The following TAFA4 variants were observed in gnomAD, a reference collection of about 807,000 sequenced individuals.
The protein encoded by TAFA4 is TAFA chemokine like family member 4.
A neutral mutation model predicts 21.1 loss-of-function variants in TAFA4; 20 were observed. That is an observed-to-expected ratio of 0.95 (90% CI 0.67 to 1.38). The LOEUF (loss-of-function observed/expected upper bound fraction) is 1.38. TAFA4 is among the 40% of genes most tolerant of loss of function. The pLI is 0.00. For synonymous variants in TAFA4, 71 were observed against 67.4 expected (o/e 1.05, Z -0.26); for missense variants, 211 against 180.9 (o/e 1.17, Z -0.95).
chr3:68,931,645 C>T (rs546321035), intron 1 of TAFA4, among the ~76,000 whole-genome samples: 3 of 152,280 alleles, frequency 2.0e-5, no homozygotes, highest in East Asian at 3.9e-4. Context: ...CGGAAAGAGA[C>T]GCAACTTCCA....
At chr3:68,860,099 T>G (rs1160292914) in intron 3 of TAFA4, among the ~76,000 whole-genome samples, 1 of 152,108 alleles carries the variant, frequency 6.6e-6, no homozygotes, top group Non-Finnish European at 1.5e-5. Context: ...AAATTACAAT[T>G]TGACAGAGTC....
intron 3 of TAFA4, among the ~76,000 whole-genome samples, chr3:68,836,788 C>T (rs1445694320): frequency 6.7e-6 from 1 of 150,274 alleles, no homozygotes; most frequent in African/African-American, 2.5e-5. Flanking sequence ...GTCCAGGGGT[C>T]AGGGTTCAAG....
At chr3:68,754,345 C>T (rs1041631852) in intron 3 of TAFA4, among the ~76,000 whole-genome samples, 1 of 152,216 alleles carries the variant, frequency 6.6e-6, no homozygotes, top group Admixed American at 6.5e-5. Flanking sequence ...TTTCATTAGC[C>T]TCCTTTATTC....
At chr3:68,931,937 C>CT (rs1559567623) in intron 1 of TAFA4, among the ~76,000 whole-genome samples, 2 of 152,192 alleles carry the variant, frequency 1.3e-5, no homozygotes. Flanking sequence ...TCCGCATCAG[C>CT]AGAGCACCCC....
At chr3:68,832,603 T>A (rs571484708) in intron 3 of TAFA4, among the ~76,000 whole-genome samples, 1 of 152,260 alleles carries the variant, frequency 6.6e-6, no homozygotes, top group South Asian at 2.1e-4. Flanking sequence ...TGTCAGCCCC[T>A]ATTGGGAGGT....
intron 3 of TAFA4, among the ~76,000 whole-genome samples, chr3:68,788,912 G>T (rs1325446314): frequency 6.6e-6 from 1 of 152,116 alleles, no homozygotes; most frequent in Non-Finnish European, 1.5e-5. Flanking sequence ...ATAGGTGGGA[G>T]CCATCACACC....
intron 5 of TAFA4, 138 bp from the exon 6 acceptor site, chr3:68,733,291 T>G: frequency 2.8e-6 from 3 of 1,089,866 alleles, no homozygotes; most frequent in East Asian, 2.5e-5. Context: ...CCTCACCAAA[T>G]CAACAGTTCA....
At chr3:68,785,692 G>T (rs1350121559) in intron 3 of TAFA4, among the ~76,000 whole-genome samples, 2 of 152,232 alleles carry the variant, frequency 1.3e-5, no homozygotes, top group Non-Finnish European at 1.5e-5. Context: ...TCCGGCCTTG[G>T]CCAGTCCAGA....
At chr3:68,840,966 G>A (rs528305743) in intron 3 of TAFA4, among the ~76,000 whole-genome samples, 2 of 152,092 alleles carry the variant, frequency 1.3e-5, no homozygotes, top group South Asian at 4.1e-4. Flanking sequence ...CTACCAATAC[G>A]ATAGCACTAT....
At chr3:68,744,408 T>C (rs771991763) in intron 4 of TAFA4, among the ~76,000 whole-genome samples, 3 of 151,664 alleles carry the variant, frequency 2.0e-5, no homozygotes, top group Non-Finnish European at 4.4e-5. Context: ...AGGGAAGGAG[T>C]CTGAGCCAAG....
chr3:68,878,966 CT>C (rs1392568791), intron 3 of TAFA4, among the ~76,000 whole-genome samples: 3 of 152,164 alleles, frequency 2.0e-5, no homozygotes, highest in Non-Finnish European at 4.4e-5. Flanking sequence ...TCCCACCTTT[CT>C]TCTGTGTCTC....
At position 68,836,958 on chromosome 3, in the gene TAFA4, G is replaced by A. The variant is rs576356605; in HGVS notation, c.130+43772C>T. ...AACTCTGAGAACAGTGATGATAATC[G>A]GTATAGTTCTCTAACACAGGAATTG... On this transcript the variant is annotated intron_variant, in intron 3 of 5. Coordinates refer to ENST00000295569, the MANE Select transcript of TAFA4 (RefSeq NM_182522.5). Among the ~76,000 whole-genome samples the A allele has an allele frequency of 2.8e-4, 42 of 152,300 alleles. 1 individual carries two copies. The East Asian group carries it at 3.9e-3, about 14-fold the overall frequency.
intron 3 of TAFA4, among the ~76,000 whole-genome samples, chr3:68,802,164 T>A (rs1703592960): frequency 6.6e-6 from 1 of 152,196 alleles, no homozygotes; most frequent in Non-Finnish European, 1.5e-5. Context: ...CTATTCCAAT[T>A]GATATCACCA....
chr3:68,774,115 C>A (rs934594787), intron 3 of TAFA4, among the ~76,000 whole-genome samples: 2 of 152,140 alleles, frequency 1.3e-5, no homozygotes, highest in South Asian at 4.2e-4. Flanking sequence ...GATCTTCTCC[C>A]AAGCTCCAGT....
At chr3:68,792,957 T>C (rs2106815643) in intron 3 of TAFA4, among the ~76,000 whole-genome samples, 2 of 152,292 alleles carry the variant, frequency 1.3e-5, no homozygotes, top group Non-Finnish European at 1.5e-5. Flanking sequence ...AGCCTTCTTA[T>C]TCTCTTCATG....
chr3:68,783,548 G>T (rs933120228), intron 3 of TAFA4, among the ~76,000 whole-genome samples: 1 of 151,852 alleles, frequency 6.6e-6, no homozygotes, highest in Non-Finnish European at 1.5e-5. Context: ...AATGGAAAGG[G>T]GACAGTGATC....
At chr3:68,844,367 C>A (rs1159583377) in intron 3 of TAFA4, among the ~76,000 whole-genome samples, 1 of 151,858 alleles carries the variant, frequency 6.6e-6, no homozygotes, top group Non-Finnish European at 1.5e-5. Flanking sequence ...GGTGATATCC[C>A]CTTTATCACT....
rs764658790 is a variant in TAFA4, at chr3:68,753,038, A to G, written c.131-20T>C. On this transcript the variant is annotated intron_variant, in intron 3 of 5. Coordinates refer to ENST00000295569, the MANE Select transcript of TAFA4 (RefSeq NM_182522.5). Reference sequence around the variant, plus strand: ...GGTGACCTAGTTGGTAATGGGGGAGAAAAACAAACCCAGTGCTGTTAGAAG... The same window carrying G: ...GGTGACCTAGTTGGTAATGGGGGAGGAAAACAAACCCAGTGCTGTTAGAAG... 3.7e-6 allele frequency: 6 copies of G among 1,608,680 alleles called. No individual in the cohort carries two copies. The highest frequency in any genetic ancestry group is 5.1e-6 in the Non-Finnish European group (6 of 1,176,148).
chr3:68,923,797 G>A (rs1476197453), intron 1 of TAFA4, among the ~76,000 whole-genome samples: 1 of 152,106 alleles, frequency 6.6e-6, no homozygotes, highest in African/African-American at 2.4e-5. Flanking sequence ...TGGGCCATAT[G>A]CATGAGGAGT....
Sources: gnomAD v4.1 joint callset for allele counts (sites outside exome capture counted in the v4.1 genomes callset) on GRCh38, gnomAD v4.1.1 for gene constraint, MANE v1.5 for transcripts, NCBI Gene and HGNC (gene_info 2026-07-23, HGNC 2026-07-21) for gene names.